The following RIMS2 variants were observed in gnomAD, a reference collection of about 807,000 sequenced individuals.
RIMS2 encodes regulating synaptic membrane exocytosis protein 2.
In RIMS2, 59 loss-of-function variants were observed where a neutral mutation model predicts 174.4. The ratio of observed to expected loss-of-function variants is 0.34; its 90% CI spans 0.27 to 0.42. The LOEUF is 0.42. RIMS2 is among the 10% of genes least tolerant of loss of function. RIMS2 has a pLI of 1.00. For synonymous variants in RIMS2, 606 were observed against 572.5 expected (o/e 1.06, Z -0.84); for missense variants, 1,620 against 1,666.3 (o/e 0.97, Z 0.48).
chr8:103,852,652 ATG>A (rs1469198197), intron 3 of RIMS2, among the ~76,000 whole-genome samples: 1 of 151,812 alleles, frequency 6.6e-6, no homozygotes, highest in African/African-American at 2.4e-5. Context: ...GTAAGACCAT[ATG>A]GTATATGGTT....
At chr8:104,073,384 A>G (rs1368963891) in intron 19 of RIMS2, among the ~76,000 whole-genome samples, 1 of 152,172 alleles carries the variant, frequency 6.6e-6, no homozygotes, top group Admixed American at 6.5e-5. Flanking sequence ...CATTTCAACA[A>G]ATAAGGCTCA....
chr8:103,676,153 A>C (rs2096807247), intron 1 of RIMS2, among the ~76,000 whole-genome samples: 1 of 152,224 alleles, frequency 6.6e-6, no homozygotes. Flanking sequence ...CAATGGTAAG[A>C]GTTCCTAGTG....
intron 1 of RIMS2, among the ~76,000 whole-genome samples, chr8:103,662,427 G>A (rs542047079): frequency 6.6e-6 from 1 of 152,232 alleles, no homozygotes; most frequent in African/African-American, 2.4e-5. Context: ...TGTTTTGTGT[G>A]AAAAACACAT....
intron 3 of RIMS2, among the ~76,000 whole-genome samples, chr8:103,826,889 G>A (rs940141629): frequency 2.6e-5 from 4 of 151,326 alleles, no homozygotes; most frequent in Non-Finnish European, 5.9e-5. Flanking sequence ...GGATGTTCTG[G>A]AACTCCTGGC....
intron 19 of RIMS2, among the ~76,000 whole-genome samples, chr8:104,185,633 A>G (rs1029540538): frequency 6.6e-6 from 1 of 151,718 alleles, no homozygotes; most frequent in East Asian, 1.9e-4. Flanking sequence ...TATATGAGAC[A>G]ATGCTCATTA....
intron 17 of RIMS2, among the ~76,000 whole-genome samples, chr8:103,994,649 G>A (rs2094953736): frequency 6.6e-6 from 1 of 152,030 alleles, no homozygotes; most frequent in African/African-American, 2.4e-5. Context: ...GTATGGCTGT[G>A]GACCTTAGGT....
chr8:104,090,089 A>G (rs1489790377), intron 19 of RIMS2, among the ~76,000 whole-genome samples: 1 of 151,476 alleles, frequency 6.6e-6, no homozygotes, highest in African/African-American at 2.4e-5. Context: ...ACACACACAC[A>G]CAGAGCCCAA....
At chr8:103,761,246 T>C (rs1400231196) in intron 2 of RIMS2, among the ~76,000 whole-genome samples, 2 of 152,244 alleles carry the variant, frequency 1.3e-5, no homozygotes, top group African/African-American at 4.8e-5. Flanking sequence ...AGCTCTTTCA[T>C]ATTCATGCCC....
intron 1 of RIMS2, among the ~76,000 whole-genome samples, chr8:103,696,862 C>CAAAAAAAAAAA (rs55852238): frequency 3.0e-3 from 160 of 53,518 alleles, no homozygotes; most frequent in Non-Finnish European, 4.4e-3. Context: ...GACTTCGTCT[C>CAAAAAAAAAAA]AAAAAAAAAA....
intron 3 of RIMS2, among the ~76,000 whole-genome samples, chr8:103,774,588 A>C (rs1389870028): frequency 6.6e-6 from 1 of 152,236 alleles, no homozygotes; most frequent in Non-Finnish European, 1.5e-5. Context: ...GGCACAAAAG[A>C]GTACATAAGA....
intron 12 of RIMS2, among the ~76,000 whole-genome samples, chr8:103,932,131 T>C (rs1203158141): frequency 2.6e-5 from 4 of 152,196 alleles, no homozygotes; most frequent in Non-Finnish European, 5.9e-5. Flanking sequence ...CAGTTACCTT[T>C]CCCCAATTAT....
chr8:104,057,747 T>A (rs1273606824), intron 19 of RIMS2, among the ~76,000 whole-genome samples: 38 of 113,902 alleles, frequency 3.3e-4, no homozygotes, highest in Non-Finnish European at 1.7e-5. Context: ...GTCCCCAGAG[T>A]GTGATGTTCC....
At chr8:103,893,631 T>TA (rs1290462750) in intron 4 of RIMS2, among the ~76,000 whole-genome samples, 2 of 152,122 alleles carry the variant, frequency 1.3e-5, no homozygotes, top group African/African-American at 2.4e-5. Context: ...TTTGAATGGT[T>TA]AAAAAAACTT....
intron 19 of RIMS2, among the ~76,000 whole-genome samples, chr8:104,029,148 C>T (rs755658985): frequency 3.3e-5 from 5 of 152,124 alleles, no homozygotes; most frequent in South Asian, 2.1e-4. Flanking sequence ...CATGCTAATG[C>T]ATTCTAACTA....
intron 1 of RIMS2, among the ~76,000 whole-genome samples, chr8:103,603,094 C>A (rs1001541098): frequency 6.6e-6 from 1 of 150,428 alleles, no homozygotes; most frequent in Non-Finnish European, 1.5e-5. Flanking sequence ...TGCACTGCAC[C>A]CACTAACTCG....
chr8:103,912,911 A>G (rs1357371554), intron 6 of RIMS2, among the ~76,000 whole-genome samples: 4 of 150,184 alleles, frequency 2.7e-5, no homozygotes, highest in Non-Finnish European at 1.5e-5. Context: ...TTAGACCAGG[A>G]GTTTGAGACC....
intron 14 of RIMS2, among the ~76,000 whole-genome samples, chr8:103,950,946 C>T (rs1392816123): frequency 6.6e-6 from 1 of 152,114 alleles, no homozygotes; most frequent in African/African-American, 2.4e-5. Flanking sequence ...GATACAATAT[C>T]AATTATTTCT....
At chr8:104,089,559 T>C (rs1384563516) in intron 19 of RIMS2, among the ~76,000 whole-genome samples, 2 of 151,882 alleles carry the variant, frequency 1.3e-5, no homozygotes, top group Admixed American at 6.6e-5. Flanking sequence ...TTTCTCACTG[T>C]CCAGATTTCT....
chr8:103,586,076 C>T (rs1186297858), intron 1 of RIMS2, among the ~76,000 whole-genome samples: 1 of 152,078 alleles, frequency 6.6e-6, no homozygotes, highest in Non-Finnish European at 1.5e-5. Context: ...GCATCAAAAA[C>T]TGGAGCAACC....
Sources: allele counts gnomAD v4.1 joint callset (sites outside exome capture counted in the v4.1 genomes callset), GRCh38; gene constraint gnomAD v4.1.1; transcripts MANE v1.5; gene names NCBI Gene and HGNC (gene_info 2026-07-23, HGNC 2026-07-21).